Variants in TBX15 observed in about 807,000 individuals in gnomAD.
TBX15 encodes the protein T-box transcription factor 15.
In TBX15, 18 loss-of-function variants were observed where a neutral mutation model predicts 53.9. The ratio of observed to expected loss-of-function variants is 0.33; its 90% CI spans 0.23 to 0.49. TBX15 has a LOEUF of 0.49. Ranked by LOEUF, TBX15 falls within the 20% of genes least tolerant of loss-of-function variation. The pLI is 0.98. For missense variants in TBX15, 692 were observed against 749.5 expected (o/e 0.92, Z 0.90); for synonymous variants, 295 against 278.0 (o/e 1.06, Z -0.61).
At chr1:118,926,437 C>A in intron 3 of TBX15, 73 bp downstream of exon 3, 1 of 1,329,064 alleles carries the variant, frequency 7.5e-7, no homozygotes, top group East Asian at 2.4e-5. Flanking sequence ...AAACTATTTC[C>A]TCTAAGGAGT....
At chr1:118,975,830 C>T (rs1301429054) in intron 1 of TBX15, among the ~76,000 whole-genome samples, 1 of 152,212 alleles carries the variant, frequency 6.6e-6, no homozygotes, top group Admixed American at 6.5e-5. Flanking sequence ...AGTATAGTAA[C>T]ATCTGTCTTG....
At chr1:118,893,460 G>GGAAA (rs1200625137) in intron 7 of TBX15, among the ~76,000 whole-genome samples, 3 of 104,018 alleles carry the variant, frequency 2.9e-5, no homozygotes, top group Non-Finnish European at 5.6e-5. Context: ...AAGGAAGGAA[G>GGAAA]GAAAGAAAGG....
chr1:118,984,940 G>A (rs1288282670), intron 1 of TBX15, among the ~76,000 whole-genome samples: 1 of 152,184 alleles, frequency 6.6e-6, no homozygotes, highest in Non-Finnish European at 1.5e-5. Flanking sequence ...AAAATGGGCT[G>A]TGAAAAAGCA....
intron 1 of TBX15, among the ~76,000 whole-genome samples, chr1:118,942,301 T>C (rs1001414538): frequency 6.6e-6 from 1 of 152,222 alleles, no homozygotes. Context: ...GTTATTCCTC[T>C]TGTATCCTCA....
At chr1:118,929,136 T>C (rs555354022) in intron 2 of TBX15, among the ~76,000 whole-genome samples, 1 of 152,350 alleles carries the variant, frequency 6.6e-6, no homozygotes, top group Admixed American at 6.5e-5. Context: ...CATTAATCCT[T>C]GCAAGCACCT....
Position 118,885,406 on chromosome 1 carries a change from G to C in TBX15, c.1135C>G (p.Pro379Ala), listed in dbSNP as rs1205343948. 1 of 1,613,906 alleles carries C rather than the reference G, an allele frequency of 6.2e-7. No homozygotes were observed. Among genetic ancestry groups the C allele is most frequent in the East Asian group, 2.2e-5 (1 of 44,818 alleles). ...CGGCAGCCCACATTGAAAGTGTTGG[G>C]GGCCAGATGAAAAGTTGGAGGAGAA... ...SCSPPTFHLA[P>A]NTFNVGCRES... Residue 379 changes from proline (P) to alanine (A), a missense_variant, in exon 8 of 8, where the codon CCC becomes GCC. By Grantham distance (27) the Pro-to-Ala change is conservative. Around this residue, in one of 3 missense-constraint regions of TBX15, gnomAD observed 375 missense variants for 371.6 expected, o/e 1.01. Coordinates refer to ENST00000369429, the MANE Select transcript of TBX15 (RefSeq NM_001330677.2).
intron 5 of TBX15, among the ~76,000 whole-genome samples, chr1:118,918,559 A>G (rs998401492): frequency 6.6e-6 from 1 of 152,316 alleles, no homozygotes; most frequent in South Asian, 2.1e-4. Context: ...TACATGTCCA[A>G]ACTTTGTCCA....
chr1:118,898,971 G>C, intron 7 of TBX15, 57 bp downstream of exon 7: 1 of 1,554,300 alleles, frequency 6.4e-7, no homozygotes, highest in Non-Finnish European at 8.9e-7. Flanking sequence ...ATTCGGTTGA[G>C]CTCCCACTCT....
At position 118,883,354 on chromosome 1, in the gene TBX15, T is replaced by G. The variant is rs1448551699; in HGVS notation, c.*1378A>C. The G allele has an allele frequency of 6.6e-6, 1 of 152,604 alleles. No individual in the cohort carries two copies. Among genetic ancestry groups the G allele is most frequent in the South Asian group, 2.1e-4 (1 of 4,834 alleles). The allele number at this position is 152,604 out of a possible 1,614,324, so 9.5% of individuals were successfully genotyped here. The stretch of plus-strand genomic sequence containing the variant: ...ACTTGCTTTCTTACCATTAAAAGAT[T>G]TGAAGGGAAAGGGAAAGATGAAGGA... On this transcript the variant is annotated 3_prime_UTR_variant, in exon 8 of 8. Coordinates refer to ENST00000369429, the MANE Select transcript of TBX15 (RefSeq NM_001330677.2).
At chr1:118,946,499 A>T (rs960967698) in intron 1 of TBX15, among the ~76,000 whole-genome samples, 2 of 152,220 alleles carry the variant, frequency 1.3e-5, no homozygotes, top group Admixed American at 6.5e-5. Flanking sequence ...AAGTGTAATA[A>T]ACATCCATCT....
At chr1:118,898,951 G>T in intron 7 of TBX15, 77 bp downstream of exon 7, 2 of 1,427,714 alleles carry the variant, frequency 1.4e-6, no homozygotes, top group Non-Finnish European at 2.0e-6. Flanking sequence ...CCTGAGGCCA[G>T]ATGTGCTATA....
intron 1 of TBX15, among the ~76,000 whole-genome samples, chr1:118,946,646 A>G (rs1347510699): frequency 6.6e-6 from 1 of 152,194 alleles, no homozygotes; most frequent in African/African-American, 2.4e-5. Flanking sequence ...TATTATGAAG[A>G]GGAAGGGATT....
At chr1:118,940,957 G>C (rs1656158635) in intron 1 of TBX15, among the ~76,000 whole-genome samples, 1 of 149,790 alleles carries the variant, frequency 6.7e-6, no homozygotes. Context: ...TTGCACCAAA[G>C]GTCCTTCAAA....
chr1:118,944,888 A>T (rs1317688374), intron 1 of TBX15, among the ~76,000 whole-genome samples: 1 of 152,202 alleles, frequency 6.6e-6, no homozygotes, highest in Non-Finnish European at 1.5e-5. Context: ...TGGGCTTGCG[A>T]TTCGAGCACT....
At chr1:118,934,839 G>A in intron 1 of TBX15, among the ~76,000 whole-genome samples, 1 of 152,114 alleles carries the variant, frequency 6.6e-6, no homozygotes, top group East Asian at 1.9e-4. Context: ...TCCATGAAGA[G>A]GATTTTCAAA....
chr1:118,960,067 G>GA (rs80283449), intron 1 of TBX15, among the ~76,000 whole-genome samples: 2,573 of 106,902 alleles, frequency 0.024, 54 homozygotes, highest in African/African-American at 0.069. Flanking sequence ...AAGAGAAAGA[G>GA]AAAAAAAAAA....
chr1:118,926,884 G>C (rs1332136076), intron 2 of TBX15, among the ~76,000 whole-genome samples: 3 of 151,508 alleles, frequency 2.0e-5, no homozygotes, highest in African/African-American at 7.3e-5. Context: ...TTGTGTGTGT[G>C]TGTGTGTGTG....
At chr1:118,901,388 T>C (rs1167665913) in intron 6 of TBX15, 1 of 456,644 alleles carries the variant, frequency 2.2e-6, no homozygotes, top group Non-Finnish European at 4.4e-6. Context: ...CAGAGCCTAA[T>C]CACCTCTTAA....
chr1:118,954,534 C>T (rs569060052), intron 1 of TBX15, among the ~76,000 whole-genome samples: 7 of 152,296 alleles, frequency 4.6e-5, no homozygotes. Flanking sequence ...TCATCAAGAG[C>T]ATTCACTTGG....
Sources: allele counts gnomAD v4.1 joint callset (sites outside exome capture counted in the v4.1 genomes callset), GRCh38; gene constraint gnomAD v4.1.1; regional missense constraint gnomAD v4.1.1; transcripts MANE v1.5; gene names NCBI Gene and HGNC (gene_info 2026-07-23, HGNC 2026-07-21).